Variants in ARIH1 observed in about 807,000 individuals in gnomAD.
The protein encoded by ARIH1 is E3 ubiquitin-protein ligase ARIH1.
Under a neutral mutation model 85.0 loss-of-function variants are expected in ARIH1, and 8 were observed. That is an observed-to-expected ratio of 0.09 (90% CI 0.06 to 0.17). The LOEUF (loss-of-function observed/expected upper bound fraction) is 0.17, where lower values mean the gene tolerates loss of function less well. Among genes scored for constraint, ARIH1 ranks in the 10% least tolerant of loss-of-function variants. The pLI, the probability that ARIH1 is intolerant of heterozygous loss-of-function variation, is 1.00. For synonymous variants in ARIH1, 238 were observed against 253.6 expected (o/e 0.94, Z 0.59); for missense variants, 311 against 718.1 (o/e 0.43, Z 6.48).
rs1174264615 is a variant in ARIH1, at chr15:72,563,383, T to C, written c.805-11T>C. ...CAGCTGTCATTTTTTATTTTCTAAC[T>C]TGTATTTCAGTGCAATCGACTGTTA... On this transcript the variant is annotated splice_polypyrimidine_tract_variant and intron_variant, in intron 6 of 13. Coordinates refer to ENST00000379887, the MANE Select transcript of ARIH1 (RefSeq NM_005744.5). The C allele has an allele frequency of 2.5e-6, 4 of 1,610,436 alleles. No homozygotes were observed. Among genetic ancestry groups the C allele is most frequent in the Middle Eastern group, 1.7e-4 (1 of 6,054 alleles).
In ARIH1 at chr15:72,568,300, AT is replaced by A. The variant is rs1048804275; in HGVS notation, c.1026+1127del. 9.2e-5 allele frequency among the ~76,000 whole-genome samples: 14 copies of A among 152,156 alleles called. 1 individual carries two copies. The highest frequency in any genetic ancestry group is 4.6e-4 in the Admixed American group (7 of 15,280). On this transcript the variant is annotated intron_variant, in intron 9 of 13. Coordinates refer to ENST00000379887, the MANE Select transcript of ARIH1 (RefSeq NM_005744.5). ...AGCATTCTTTTTTTGAAAATTGAAGATTTTCCCACAAGAAATGTTCCTTAAG... is the reference window on the plus strand; with the variant it reads ...AGCATTCTTTTTTTGAAAATTGAAGATTTCCCACAAGAAATGTTCCTTAAG...
intron 2 of ARIH1, among the ~76,000 whole-genome samples, chr15:72,526,354 CTT>C (rs999864616): frequency 2.0e-5 from 3 of 152,176 alleles, no homozygotes; most frequent in East Asian, 1.9e-4. Flanking sequence ...AGTTATTCCT[CTT>C]GTTTGCCCCA....
intron 2 of ARIH1, among the ~76,000 whole-genome samples, chr15:72,542,963 C>CT (rs1456862189): frequency 6.7e-6 from 1 of 149,680 alleles, no homozygotes; most frequent in Non-Finnish European, 1.5e-5. Flanking sequence ...CAGTCTCGCT[C>CT]TGTCACCCAG....
rs1045592729 is a variant in ARIH1, at chr15:72,475,178, A to T, written c.375+164A>T. On this transcript the variant is annotated intron_variant, in intron 1 of 13. Transcript: ENST00000379887. ...TCTGCTGGGGATAGAGGGTGTCGAA[A>T]GCAGAGGTTCGCCGATTAGCCGGGT... 4 of 1,347,478 alleles carry T rather than the reference A, an allele frequency of 3.0e-6. No homozygotes were observed. The African/African-American group carries it at 4.6e-5, about 15-fold the overall frequency. 83.5% of individuals were successfully genotyped at this position (1,347,478 alleles called of 1,614,324 possible). A position where few individuals can be genotyped will look rare whatever the true frequency, so the allele number is the denominator to read the frequency against.
At chr15:72,481,655 T>C (rs1446530232) in intron 1 of ARIH1, among the ~76,000 whole-genome samples, 2 of 151,968 alleles carry the variant, frequency 1.3e-5, no homozygotes, top group Non-Finnish European at 2.9e-5. Context: ...CACTGCACTC[T>C]AGCCTGGGTG....
intron 3 of ARIH1, 99 bp downstream of exon 3, chr15:72,545,063 T>G: frequency 2.7e-6 from 3 of 1,108,666 alleles, no homozygotes; most frequent in Non-Finnish European, 3.7e-6. Context: ...GGTCTGGGAG[T>G]AGTAACCTCT....
chr15:72,546,630 A>G (rs1200995952), intron 3 of ARIH1, among the ~76,000 whole-genome samples: 2 of 151,112 alleles, frequency 1.3e-5, no homozygotes, highest in African/African-American at 4.9e-5. Flanking sequence ...CCACAGGCGC[A>G]TGCCACCATG....
At chr15:72,528,348 C>T (rs1323938283) in intron 2 of ARIH1, among the ~76,000 whole-genome samples, 2 of 152,092 alleles carry the variant, frequency 1.3e-5, no homozygotes, top group African/African-American at 4.8e-5. Context: ...ACTTTTCATT[C>T]TGAAGCATTA....
rs75696324 is a variant in ARIH1 at position 72,582,232 on chromosome 15, G to T, written c.1589+45G>T. On this transcript the variant is annotated intron_variant, in intron 13 of 13. Transcript: ENST00000379887. This position sits in a 1 kb window ranked among gnomAD's most constrained non-coding sequence, Gnocchi z 4.6. ...TTGAATAAAACTTTCTGCCAGTGAT[G>T]ATCCTTACTGGTAAAGTTCAGTGAT... 899 of 1,333,830 alleles carry T rather than the reference G, an allele frequency of 6.7e-4. 4 individuals are homozygous for T. In the African/African-American group the frequency reaches 0.011, roughly 17 times the overall value. The allele number at this position is 1,333,830 out of a possible 1,614,324, so 82.6% of individuals were successfully genotyped here.
intron 11 of ARIH1, chr15:72,572,387 G>A (rs965329930): frequency 4.1e-5 from 15 of 365,244 alleles, no homozygotes; most frequent in East Asian, 5.0e-5. Context: ...ACAGGTGCGC[G>A]CCACCACACC....
intron 1 of ARIH1, among the ~76,000 whole-genome samples, chr15:72,500,257 G>A (rs979869216): frequency 6.6e-6 from 1 of 152,036 alleles, no homozygotes; most frequent in Non-Finnish European, 1.5e-5. Context: ...ACCACGCCCA[G>A]CTAATTTTTG....
At chr15:72,479,307 G>A (rs35150214) in intron 1 of ARIH1, among the ~76,000 whole-genome samples, 6,171 of 152,254 alleles carry the variant, frequency 0.041, 162 homozygotes, top group East Asian at 0.083. Flanking sequence ...AGTGTGTGCC[G>A]AGAGGAATAT....
intron 3 of ARIH1, 126 bp downstream of exon 3, chr15:72,545,090 A>G (rs1203541722): frequency 1.3e-6 from 1 of 789,212 alleles, no homozygotes; most frequent in Non-Finnish European, 1.8e-6. Flanking sequence ...TAACCTATCA[A>G]TGTATTCAGT....
chr15:72,587,621 T>A lies in ARIH1; in HGVS notation c.*4329T>A, dbSNP rs538041502. On this transcript the variant is annotated 3_prime_UTR_variant, in exon 14 of 14. Transcript: ENST00000379887. ...TTAAAAAGATGATAAGCAGTGAGTT[T>A]TATGAGAAAATTTTGGCTCCTTCAG... 6.5e-6 allele frequency: 1 copy of A among 153,900 alleles called. No individual in the cohort carries two copies. Among genetic ancestry groups the A allele is most frequent in the South Asian group, 2.0e-4 (1 of 5,078 alleles). The allele number at this position is 153,900 out of a possible 1,614,324, so 9.5% of individuals were successfully genotyped here. A position where few individuals can be genotyped will look rare whatever the true frequency, so the allele number is the denominator to read the frequency against.
rs147055070 is a variant in ARIH1 at position 72,526,937 on chromosome 15, C to G, written c.443+8803C>G. ...AACTAAATAGAATTTTCTATAATTA[C>G]TAATTTCTTTCCATGCCTCTCCAGA... On this transcript the variant is annotated intron_variant, in intron 2 of 13. Transcript: ENST00000379887. Among the ~76,000 whole-genome samples, 1,247 of 141,628 alleles carry G rather than the reference C, an allele frequency of 8.8e-3. 16 individuals are homozygous for G. The highest frequency in any genetic ancestry group is 0.03 in the African/African-American group (1,186 of 39,232). The allele number at this position is 141,628 out of a possible 152,430, so 92.9% of individuals were successfully genotyped here.
intron 5 of ARIH1, among the ~76,000 whole-genome samples, chr15:72,558,358 G>A (rs937477117): frequency 6.6e-6 from 1 of 152,294 alleles, no homozygotes; most frequent in East Asian, 1.9e-4. Flanking sequence ...TGGAGTACAA[G>A]TGGCACCATA....
intron 1 of ARIH1, among the ~76,000 whole-genome samples, chr15:72,504,117 C>T (rs530062506): frequency 6.6e-5 from 10 of 152,274 alleles, no homozygotes; most frequent in African/African-American, 1.7e-4. Context: ...TGCAGTGGCA[C>T]GATCTTGGCT....
At chr15:72,570,142 A>G in intron 9 of ARIH1, 35 bp from the exon 10 acceptor site, 1 of 1,608,734 alleles carries the variant, frequency 6.2e-7, no homozygotes. Context: ...AACCTAGTGT[A>G]GCATTGACAC....
intron 1 of ARIH1, among the ~76,000 whole-genome samples, chr15:72,505,881 T>G (rs997211386): frequency 6.6e-6 from 1 of 152,010 alleles, no homozygotes; most frequent in Non-Finnish European, 1.5e-5. Flanking sequence ...GATTACAGGC[T>G]CGTGCCACCA....
Sources: allele counts gnomAD v4.1 joint callset (sites outside exome capture counted in the v4.1 genomes callset), GRCh38; gene constraint gnomAD v4.1.1; non-coding constraint Gnocchi (gnomAD v3.1); transcripts MANE v1.5; gene names NCBI Gene and HGNC (gene_info 2026-07-23, HGNC 2026-07-21).